CACNA2D2: variants seen among roughly 807,000 people sequenced by gnomAD.
CACNA2D2 encodes voltage-dependent calcium channel subunit alpha-2/delta-2.
CACNA2D2 carries 48 observed loss-of-function variants against 166.4 expected under a neutral mutation model. The observed-to-expected ratio is 0.29, with a 90% confidence interval of 0.23 to 0.37. CACNA2D2 has a LOEUF of 0.37. Ranked by LOEUF, CACNA2D2 falls within the 10% of genes least tolerant of loss-of-function variation. The pLI is 1.00. For synonymous variants in CACNA2D2, 561 were observed against 573.7 expected, an observed-to-expected ratio of 0.98 and a Z score of 0.32; for missense variants, 1,122 against 1,433.0, an observed-to-expected ratio of 0.78 and a Z score of 3.50.
chr3:50,403,380 C>T (rs1456983512), intron 3 of CACNA2D2, among the ~76,000 whole-genome samples: 1 of 152,182 alleles, frequency 6.6e-6, no homozygotes, highest in Non-Finnish European at 1.5e-5. Context: ...CTTGGCCTGA[C>T]CTGTTTTCTT....
In CACNA2D2 at chr3:50,363,236, T is replaced by C. The variant is rs587755002; in HGVS notation, c.*1430A>G. The C allele has an allele frequency of 1.3e-5, 5 of 398,874 alleles. No individual in the cohort carries two copies. In the South Asian group the frequency reaches 5.1e-4, roughly 41 times the overall value. The allele number at this position is 398,874 out of a possible 1,614,324, so 24.7% of individuals were successfully genotyped here. On this transcript the variant is annotated 3_prime_UTR_variant, in exon 38 of 38. Transcript: ENST00000424201. The stretch of plus-strand genomic sequence containing the variant: ...GCCGGGTGCACATGGACACCCACCC[T>C]GGCACCAGCAGTGGGCATGGACCAC...
intron 22 of CACNA2D2, among the ~76,000 whole-genome samples, chr3:50,372,443 C>A (rs987424669): frequency 6.6e-6 from 1 of 152,242 alleles, no homozygotes; most frequent in Non-Finnish European, 1.5e-5. Context: ...GTGTCAGTGC[C>A]CAGGAGGCGC....
intron 3 of CACNA2D2, among the ~76,000 whole-genome samples, chr3:50,423,931 G>A (rs1369533941): frequency 1.3e-5 from 2 of 152,374 alleles, no homozygotes; most frequent in East Asian, 3.9e-4. Flanking sequence ...ACACGGGGCG[G>A]AGCTAAAGGA....
intron 6 of CACNA2D2, among the ~76,000 whole-genome samples, chr3:50,383,376 G>A (rs1275743062): frequency 6.6e-6 from 1 of 152,190 alleles, no homozygotes; most frequent in Non-Finnish European, 1.5e-5. Context: ...CAGCCCAGTG[G>A]GCTCCTTGGA....
At chr3:50,409,339 A>C (rs1706880040) in intron 3 of CACNA2D2, among the ~76,000 whole-genome samples, 1 of 152,234 alleles carries the variant, frequency 6.6e-6, no homozygotes, top group Non-Finnish European at 1.5e-5. Context: ...AGCCTGGAGG[A>C]GGCAGCAGAG....
At chr3:50,402,369 G>C (rs1196105237) in intron 3 of CACNA2D2, among the ~76,000 whole-genome samples, 2 of 152,162 alleles carry the variant, frequency 1.3e-5, no homozygotes, top group Admixed American at 1.3e-4. Context: ...AGGACGTGTG[G>C]GTGGACCTGG....
chr3:50,366,282 G>T lies in CACNA2D2; in HGVS notation c.2694C>A (p.Asn898Lys), dbSNP rs146694990. The change falls in exon 31 of 38, where the codon AAC (asparagine) becomes AAA (lysine). Residue 898 changes from asparagine (N) to lysine (K), a missense_variant. This residue lies in a region of CACNA2D2 where 840 missense variants were observed against 1,166.8 expected (regional missense o/e 0.72). Coordinates refer to ENST00000424201, the MANE Select transcript of CACNA2D2 (RefSeq NM_006030.4). This position sits in a 1 kb window ranked among gnomAD's most constrained non-coding sequence, Gnocchi z 5.9. ...DGGFLVLSNQ[N>K]HQWDQVGRFF... ...TGATCCTCACCTGGTCCCACTGATGGTTCTGGTTTGACAGCACCAGGAATC... is the reference window on the plus strand; with the variant it reads ...TGATCCTCACCTGGTCCCACTGATGTTTCTGGTTTGACAGCACCAGGAATC... 8.2e-5 allele frequency: 132 copies of T among 1,613,980 alleles called. No homozygotes were observed. Among genetic ancestry groups the T allele is most frequent in the Middle Eastern group, 1.6e-4 (1 of 6,084 alleles).
rs149125076 is a variant in CACNA2D2 at position 50,456,347 on chromosome 3, C to T, written c.288+19771G>A. Among the ~76,000 whole-genome samples the T allele has an allele frequency of 4.3e-3, 655 of 152,294 alleles. 8 individuals carry two copies. The highest frequency in any genetic ancestry group is 0.014 in the African/African-American group (600 of 41,564). On this transcript the variant is annotated intron_variant, in intron 2 of 37. Transcript: ENST00000424201. ...GAGTGGGGGAGGGGAGAGGCTCACA[C>T]ATTTCAAGGATGGAGTCAGCTCCAT...
chr3:50,370,388 A>G lies in CACNA2D2; in HGVS notation c.1985-8T>C. On this transcript the variant is annotated splice_polypyrimidine_tract_variant and splice_region_variant and intron_variant, in intron 22 of 37. Transcript: ENST00000424201. ...GGAGCAGGAACTCAAAATCTGCAACAGAAACGGGGGGTTATCCGGCGGGGG... is the reference window on the plus strand; with the variant it reads ...GGAGCAGGAACTCAAAATCTGCAACGGAAACGGGGGGTTATCCGGCGGGGG... 1 of 1,273,128 alleles carries G rather than the reference A, an allele frequency of 7.9e-7. No homozygotes were observed. Among genetic ancestry groups the G allele is most frequent in the South Asian group, 1.2e-5 (1 of 81,764 alleles). The allele number at this position is 1,273,128 out of a possible 1,614,324, so 78.9% of individuals were successfully genotyped here.
chr3:50,431,980 CAAAAAAA>C (rs57712165), intron 3 of CACNA2D2, among the ~76,000 whole-genome samples: 1 of 92,246 alleles, frequency 1.1e-5, no homozygotes, highest in African/African-American at 4.4e-5. Flanking sequence ...GTGTCTGTCT[CAAAAAAA>C]AAAAAAAAAA....
At chr3:50,416,109 T>C (rs1707252562) in intron 3 of CACNA2D2, 1 of 152,276 alleles carries the variant, frequency 6.6e-6, no homozygotes, top group South Asian at 2.1e-4. Flanking sequence ...TGAGGTCATG[T>C]TGGGGACTGA....
chr3:50,448,591 C>T (rs570969319), intron 2 of CACNA2D2, among the ~76,000 whole-genome samples: 72 of 152,114 alleles, frequency 4.7e-4, no homozygotes, highest in African/African-American at 1.5e-3. Flanking sequence ...AGGTTTATGG[C>T]GCATGTTGGG....
chr3:50,481,901 T>C (rs1698071012), intron 1 of CACNA2D2, among the ~76,000 whole-genome samples: 1 of 152,034 alleles, frequency 6.6e-6, no homozygotes, highest in Admixed American at 6.6e-5. Context: ...GAGGCTGAGG[T>C]TGGAGGATCG....
At chr3:50,411,138 G>A (rs1706994463) in intron 3 of CACNA2D2, among the ~76,000 whole-genome samples, 1 of 152,206 alleles carries the variant, frequency 6.6e-6, no homozygotes, top group African/African-American at 2.4e-5. Flanking sequence ...ACTCATGCCT[G>A]GCCAAATGGA....
intron 2 of CACNA2D2, among the ~76,000 whole-genome samples, chr3:50,442,749 C>T (rs1708659712): frequency 6.6e-6 from 1 of 152,138 alleles, no homozygotes; most frequent in African/African-American, 2.4e-5. Context: ...TGACCACACC[C>T]CAGAGAGAAG....
At chr3:50,432,229 C>A (rs1708104639) in intron 3 of CACNA2D2, among the ~76,000 whole-genome samples, 1 of 152,084 alleles carries the variant, frequency 6.6e-6, no homozygotes, top group African/African-American at 2.4e-5. Flanking sequence ...TGGAAAGAGA[C>A]CCCAGCCCTG....
At chr3:50,408,896 T>C (rs1164923165) in intron 3 of CACNA2D2, among the ~76,000 whole-genome samples, 1 of 152,220 alleles carries the variant, frequency 6.6e-6, no homozygotes, top group Non-Finnish European at 1.5e-5. Context: ...CTGCAATATT[T>C]GGGGCATCGT....
chr3:50,384,969 T>A (rs587649205), intron 5 of CACNA2D2, among the ~76,000 whole-genome samples: 1 of 152,316 alleles, frequency 6.6e-6, no homozygotes, highest in Non-Finnish European at 1.5e-5. Context: ...GGGTCTGCGG[T>A]GCCTGGTAGC....
chr3:50,381,417 C>A (rs1705307790), intron 6 of CACNA2D2, among the ~76,000 whole-genome samples: 1 of 152,098 alleles, frequency 6.6e-6, no homozygotes, highest in African/African-American at 2.4e-5. Flanking sequence ...AGAGGGGCTG[C>A]CCAGGTGGCT....
Sources: allele counts gnomAD v4.1 joint callset (sites outside exome capture counted in the v4.1 genomes callset), GRCh38; gene constraint gnomAD v4.1.1; regional missense constraint gnomAD v4.1.1; non-coding constraint Gnocchi (gnomAD v3.1); transcripts MANE v1.5; gene names NCBI Gene and HGNC (gene_info 2026-07-23, HGNC 2026-07-21).